Variants in CFAP263 observed in about 807,000 individuals in gnomAD.
The protein encoded by CFAP263 is cilia- and flagella-associated protein 263.
chr16:58,254,897 G>A, the CFAP263 span, among the ~76,000 whole-genome samples: 3 of 152,110 alleles, frequency 2.0e-5, no homozygotes, highest in Non-Finnish European at 2.9e-5. Context: ...GAGCCACTGC[G>A]CCGGGCCTAC....
chr16:58,277,400 A>AT, the CFAP263 span, among the ~76,000 whole-genome samples: 1 of 152,218 alleles, frequency 6.6e-6, no homozygotes, highest in East Asian at 1.9e-4. Flanking sequence ...AAGTGCTGGG[A>AT]TTACAGGCGT....
At chr16:58,274,043 A>G in the CFAP263 span, among the ~76,000 whole-genome samples, 1 of 152,230 alleles carries the variant, frequency 6.6e-6, no homozygotes, top group Non-Finnish European at 1.5e-5. Flanking sequence ...CTCTATTGGC[A>G]TCACACTCAG....
chr16:58,261,992 G>A, the CFAP263 span, among the ~76,000 whole-genome samples: 1 of 152,106 alleles, frequency 6.6e-6, no homozygotes, highest in Non-Finnish European at 1.5e-5. Context: ...TCATGGTCCT[G>A]TTTAGGCAAC....
At chr16:58,275,999 A>G in the CFAP263 span, among the ~76,000 whole-genome samples, 2 of 152,244 alleles carry the variant, frequency 1.3e-5, no homozygotes, top group African/African-American at 2.4e-5. Flanking sequence ...AGTTTTTTGC[A>G]TAGCAAAAAT....
At chr16:58,268,324 AAG>A in the CFAP263 span, among the ~76,000 whole-genome samples, 1 of 152,212 alleles carries the variant, frequency 6.6e-6, no homozygotes, top group African/African-American at 2.4e-5. Context: ...ATATGATGCA[AAG>A]AGAACTTTTT....
chr16:58,282,537 A>T, the CFAP263 span: 1 of 152,494 alleles, frequency 6.6e-6, no homozygotes, highest in Non-Finnish European at 1.5e-5. Context: ...TGGGCAGGCC[A>T]GCGGGGAGGC....
the CFAP263 span, chr16:58,279,562 G>A: frequency 2.9e-4 from 204 of 707,256 alleles, no homozygotes; most frequent in Non-Finnish European, 4.6e-5. Flanking sequence ...CCCCACACAG[G>A]GTTGCCTGCA....
chr16:58,270,649 C>T, the CFAP263 span, among the ~76,000 whole-genome samples: 1 of 151,960 alleles, frequency 6.6e-6, no homozygotes, highest in Non-Finnish European at 1.5e-5. Flanking sequence ...TTCTTTTGAG[C>T]TTGTGCTTTT....
chr16:58,269,385 G>GAAAA, the CFAP263 span, among the ~76,000 whole-genome samples: 36 of 140,490 alleles, frequency 2.6e-4, 1 homozygote, highest in African/African-American at 8.3e-4. Context: ...TAAGAAGAAA[G>GAAAA]GAAGGAAAGA....
At chr16:58,272,017 A>ATT in the CFAP263 span, among the ~76,000 whole-genome samples, 7 of 142,558 alleles carry the variant, frequency 4.9e-5, no homozygotes, top group Non-Finnish European at 6.2e-5. Flanking sequence ...CCACTCATAG[A>ATT]TTTTTTTTTT....
chr16:58,253,865 A>T, the CFAP263 span: 32 of 874,152 alleles, frequency 3.7e-5, 2 homozygotes, highest in African/African-American at 4.5e-4. Flanking sequence ...GCATCCTTTT[A>T]CCATGAATTT....
the CFAP263 span, chr16:58,258,386 G>A: frequency 1.9e-6 from 3 of 1,614,048 alleles, no homozygotes; most frequent in Non-Finnish European, 2.5e-6. Context: ...TGAGGAGGCT[G>A]AAATTCGATG....
the CFAP263 span, chr16:58,259,963 G>C: frequency 4.1e-6 from 6 of 1,465,564 alleles, no homozygotes; most frequent in African/African-American, 5.6e-5. Context: ...CTCTCTCTCT[G>C]TTTCTTTTTA....
the CFAP263 span, chr16:58,252,645 C>G: frequency 8.0e-7 from 1 of 1,245,900 alleles, no homozygotes; most frequent in Non-Finnish European, 1.2e-6. Context: ...ACGGGTTTTG[C>G]AGGTCTACTA....
the CFAP263 span, chr16:58,280,628 T>C: frequency 6.2e-7 from 1 of 1,614,180 alleles, no homozygotes; most frequent in Non-Finnish European, 8.5e-7. Flanking sequence ...GTGATCCATT[T>C]GCTGTAGTCT....
chr16:58,261,041 G>A, the CFAP263 span, among the ~76,000 whole-genome samples: 1 of 152,108 alleles, frequency 6.6e-6, no homozygotes, highest in Admixed American at 6.5e-5. Context: ...TGTCTGAGCG[G>A]CCCCTACCTG....
chr16:58,279,710 G>A, the CFAP263 span: 37 of 1,607,366 alleles, frequency 2.3e-5, no homozygotes, highest in Admixed American at 5.0e-5. Context: ...AAAGGCCATC[G>A]TAAGGCTTGG....
the CFAP263 span, chr16:58,258,615 G>T: frequency 8.1e-7 from 1 of 1,230,764 alleles, no homozygotes. Context: ...GCTCCCTTTG[G>T]TCCACCATAA....
chr16:58,266,964 G>C, the CFAP263 span, among the ~76,000 whole-genome samples: 20 of 152,200 alleles, frequency 1.3e-4, no homozygotes, highest in Non-Finnish European at 2.6e-4. Context: ...TGACCTTGGG[G>C]AAATGGTTTT....
Sources: allele counts gnomAD v4.1 joint callset (sites outside exome capture counted in the v4.1 genomes callset), GRCh38; gene constraint gnomAD v4.1.1; transcripts MANE v1.5; gene names NCBI Gene and HGNC (gene_info 2026-07-23, HGNC 2026-07-21).